Variants in EXOC6 observed in about 807,000 individuals in gnomAD.
EXOC6 encodes SEC15-like 1.
A neutral mutation model predicts 112.5 loss-of-function variants in EXOC6; 60 were observed. That is an observed-to-expected ratio of 0.53 (90% confidence interval 0.43 to 0.66). The LOEUF is 0.66. Among genes scored for constraint, EXOC6 ranks in the 30% least tolerant of loss-of-function variants. The pLI, the probability that EXOC6 is intolerant of heterozygous loss-of-function variation, is 0.00. For missense variants in EXOC6, 855 were observed against 957.1 expected (o/e 0.89, Z 1.41); for synonymous variants, 295 against 308.0 (o/e 0.96, Z 0.44).
intron 20 of EXOC6, among the ~76,000 whole-genome samples, chr10:93,050,272 C>T (rs1846218168): frequency 1.3e-5 from 2 of 152,146 alleles, no homozygotes; most frequent in South Asian, 4.1e-4. Flanking sequence ...AGTTAAAGGC[C>T]AGACGCAGTG....
chr10:92,969,196 T>C (rs1842187276), intron 17 of EXOC6, among the ~76,000 whole-genome samples: 1 of 152,136 alleles, frequency 6.6e-6, no homozygotes, highest in Non-Finnish European at 1.5e-5. Context: ...TGTGCTGCCA[T>C]GTAAGAAGCC....
intron 20 of EXOC6, among the ~76,000 whole-genome samples, chr10:93,050,900 A>G (rs146251187): frequency 6.6e-6 from 1 of 152,044 alleles, no homozygotes; most frequent in Admixed American, 6.6e-5. Flanking sequence ...AACACAAAAA[A>G]CAAATAAGTA....
intron 20 of EXOC6, among the ~76,000 whole-genome samples, chr10:93,015,529 C>G (rs959362028): frequency 5.3e-5 from 8 of 152,196 alleles, no homozygotes; most frequent in African/African-American, 1.9e-4. Context: ...GTCAGGAGAT[C>G]AAGATCATCT....
intron 20 of EXOC6, among the ~76,000 whole-genome samples, chr10:93,024,926 C>A (rs1162424568): frequency 1.3e-5 from 2 of 151,908 alleles, no homozygotes; most frequent in African/African-American, 2.4e-5. Flanking sequence ...CCTGGAAAGC[C>A]CGACCGCAGG....
At position 92,954,715 on chromosome 10, in the gene EXOC6, A is replaced by G. The variant is rs761258592; in HGVS notation, c.1612A>G (p.Arg538Gly). The G allele has an allele frequency of 4.4e-6, 7 of 1,591,144 alleles. No individual in the cohort carries two copies. The highest frequency in any genetic ancestry group is 2.6e-6 in the Non-Finnish European group (3 of 1,160,722). The part of the protein sequence containing the change: ...TLSSCLLNLI[R>G]KPHIGLTELV... ...GAGTAGCTGTTTACTGAACCTTATT[A>G]GAAAACCTCATATAGGTTTGACAGA... is the stretch of plus-strand genomic sequence containing the variant. Residue 538 changes from arginine to glycine, a missense_variant, in exon 16 of 22, where the codon AGA (arginine) becomes GGA (glycine). Physicochemically the swap from Arg to Gly is moderately radical, Grantham distance 125. Transcript: ENST00000260762.
In EXOC6 at chr10:92,975,407, C is replaced by T. The variant is rs940233116; in HGVS notation, c.1953+1175C>T. Among the ~76,000 whole-genome samples the T allele has an allele frequency of 7.7e-3, 1,145 of 149,636 alleles. 13 individuals carry two copies. Among genetic ancestry groups the T allele is most frequent in the African/African-American group, 0.027 (1,068 of 40,212 alleles). On this transcript the variant is annotated intron_variant, in intron 18 of 21. Coordinates refer to ENST00000260762, the MANE Select transcript of EXOC6 (RefSeq NM_019053.6). ...CTGAGAAGTGAGGAGCCCCTCCGCCCGGCAGCCACCCCGTCTGGGAAGTGA... is the reference window on the plus strand; with the variant it reads ...CTGAGAAGTGAGGAGCCCCTCCGCCTGGCAGCCACCCCGTCTGGGAAGTGA...
At chr10:92,842,357 T>G (rs907018459) in intron 1 of EXOC6, among the ~76,000 whole-genome samples, 1 of 71,710 alleles carries the variant, frequency 1.4e-5, no homozygotes, top group Non-Finnish European at 2.8e-5. Context: ...AGACTCTGTC[T>G]CAGAAAAAAA....
At chr10:92,856,372 A>G (rs1286948571) in intron 1 of EXOC6, among the ~76,000 whole-genome samples, 2 of 152,072 alleles carry the variant, frequency 1.3e-5, no homozygotes, top group Non-Finnish European at 2.9e-5. Context: ...CATTAGCTTC[A>G]TCTAAAACTT....
chr10:92,910,798 G>A (rs577550933), intron 6 of EXOC6, among the ~76,000 whole-genome samples: 2 of 151,926 alleles, frequency 1.3e-5, no homozygotes, highest in African/African-American at 4.8e-5. Flanking sequence ...GCATGGTGGC[G>A]GGCACCTGTA....
At chr10:92,854,143 C>T (rs751538842) in intron 1 of EXOC6, among the ~76,000 whole-genome samples, 1 of 151,502 alleles carries the variant, frequency 6.6e-6, no homozygotes, top group Non-Finnish European at 1.5e-5. Context: ...AATAATAAAA[C>T]AACTAAAAAA....
intron 3 of EXOC6, 30 bp from the exon 4 acceptor site, chr10:92,894,900 T>C: frequency 3.7e-6 from 6 of 1,605,826 alleles, no homozygotes; most frequent in Non-Finnish European, 5.1e-6. Flanking sequence ...ACTGTTTGTT[T>C]AAAAATATGA....
At chr10:92,831,365 A>G (rs1846473304), upstream of EXOC6, 3 of 1,284,732 alleles carry the variant, frequency 2.3e-6, no homozygotes, top group Non-Finnish European at 2.0e-6. Context: ...ACAGTAAGTC[A>G]AAGCAATAGT....
chr10:92,915,784 T>C lies in EXOC6; in HGVS notation c.690T>C (p.Val230=). 6.5e-7 allele frequency: 1 copy of C among 1,537,360 alleles called. No individual in the cohort carries two copies. The highest frequency in any genetic ancestry group is 1.3e-5 in the South Asian group (1 of 77,224). Residue 230 remains valine, a synonymous_variant, in exon 7 of 22, where the codon GTT becomes GTC. Coordinates refer to ENST00000260762, the MANE Select transcript of EXOC6 (RefSeq NM_019053.6). The part of the protein sequence containing the change: ...KQAQHQKTFS[V]SLQKQNKMKF... ...CACAGCATCAGAAAACCTTCAGTGT[T>C]TCTCTGCAGAAACAAAATAAAATGA...
upstream of EXOC6, among the ~76,000 whole-genome samples, chr10:92,843,894 T>C (rs1002073159): frequency 6.7e-6 from 1 of 149,100 alleles, no homozygotes. Context: ...AGAGAACTGC[T>C]TGAACCTTGG....
chr10:92,899,652 G>A lies in EXOC6; in HGVS notation c.458+8G>A. ...ACAGATGAGTGCCAAAAGGTGAGTT[G>A]GTTTTTTTCCTATTGTTTTAAATAA... On this transcript the variant is annotated splice_region_variant and intron_variant, in intron 5 of 21. Transcript: ENST00000260762. The A allele has an allele frequency of 5.0e-6, 8 of 1,601,816 alleles. No homozygotes were observed. The highest frequency in any genetic ancestry group is 6.8e-6 in the Non-Finnish European group (8 of 1,172,298).
chr10:92,944,479 G>A lies in EXOC6; in HGVS notation c.1310+3655G>A, dbSNP rs534234815. Among the ~76,000 whole-genome samples the A allele has an allele frequency of 5.3e-5, 8 of 152,108 alleles. No homozygotes were observed. In the South Asian group the frequency reaches 8.3e-4, roughly 16 times the overall value. On this transcript the variant is annotated intron_variant, in intron 13 of 21. Coordinates refer to ENST00000260762, the MANE Select transcript of EXOC6 (RefSeq NM_019053.6). ...TTCAAACTCTGACCTCAAGTGATCC[G>A]CCTGCCTTGGCCTCCCAAAGTGCTA...
intron 20 of EXOC6, among the ~76,000 whole-genome samples, chr10:93,019,729 T>C (rs1844695182): frequency 6.6e-6 from 1 of 152,196 alleles, no homozygotes; most frequent in South Asian, 2.1e-4. Context: ...GTTCCTGACC[T>C]TGGGATAAGT....
At chr10:92,953,895 ATTTG>A (rs368187975) in intron 15 of EXOC6, among the ~76,000 whole-genome samples, 52 of 152,290 alleles carry the variant, frequency 3.4e-4, no homozygotes, top group Non-Finnish European at 5.1e-4. Flanking sequence ...TAAAAATTAA[ATTTG>A]TTTATTATAT....
At chr10:93,057,161 T>C (rs543799009) in intron 21 of EXOC6, 125 bp downstream of exon 21, 29 of 510,370 alleles carry the variant, frequency 5.7e-5, no homozygotes, top group African/African-American at 5.6e-4. Flanking sequence ...CTCACTCTAG[T>C]TTAATGACCA....
Sources: allele counts gnomAD v4.1 joint callset (sites outside exome capture counted in the v4.1 genomes callset), GRCh38; gene constraint gnomAD v4.1.1; transcripts MANE v1.5; gene names NCBI Gene and HGNC (gene_info 2026-07-23, HGNC 2026-07-21).